The following FAM13A variants were observed in gnomAD, a reference collection of about 807,000 sequenced individuals.
FAM13A encodes protein FAM13A.
In FAM13A, 76 loss-of-function variants were observed where a neutral mutation model predicts 129.6. The ratio of observed to expected loss-of-function variants is 0.59; its 90% CI spans 0.49 to 0.71. The LOEUF is 0.71. FAM13A is among the 30% of genes least tolerant of loss of function. FAM13A has a pLI of 0.00. For missense variants in FAM13A, 1,108 were observed against 1,249.3 expected, an observed-to-expected ratio of 0.89 and a Z score of 1.70; for synonymous variants, 443 against 449.9, an observed-to-expected ratio of 0.98 and a Z score of 0.20.
At chr4:88,903,387 A>G (rs146543097) in intron 6 of FAM13A, among the ~76,000 whole-genome samples, 126 of 152,324 alleles carry the variant, frequency 8.3e-4, no homozygotes, top group Admixed American at 1.4e-3. Context: ...CTGGTATAAA[A>G]ACAACATAGT....
At chr4:88,978,376 A>G (rs1761182971) in intron 4 of FAM13A, among the ~76,000 whole-genome samples, 2 of 152,260 alleles carry the variant, frequency 1.3e-5, no homozygotes, top group Admixed American at 1.3e-4. Flanking sequence ...AACAGAACTT[A>G]ATAAGTACAA....
chr4:89,046,300 T>C (rs1300831262), intron 1 of FAM13A, among the ~76,000 whole-genome samples: 3 of 152,176 alleles, frequency 2.0e-5, no homozygotes, highest in African/African-American at 7.2e-5. Flanking sequence ...GGAACAGTTA[T>C]ACTCAAAAGA....
chr4:89,024,131 T>C (rs1316522423), intron 2 of FAM13A, among the ~76,000 whole-genome samples: 1 of 152,232 alleles, frequency 6.6e-6, no homozygotes, highest in Non-Finnish European at 1.5e-5. Flanking sequence ...AATATTTCTT[T>C]CAAAATAGTA....
intron 4 of FAM13A, among the ~76,000 whole-genome samples, chr4:88,969,351 T>C (rs1759765785): frequency 6.6e-6 from 1 of 152,162 alleles, no homozygotes; most frequent in Non-Finnish European, 1.5e-5. Context: ...ATCTTGATTG[T>C]TTGCCAATAC....
intron 1 of FAM13A, among the ~76,000 whole-genome samples, chr4:89,049,553 AT>A (rs1460753239): frequency 6.6e-6 from 1 of 152,258 alleles, no homozygotes; most frequent in Non-Finnish European, 1.5e-5. Flanking sequence ...GCAACTTTAT[AT>A]CAAAATTCTC....
intron 13 of FAM13A, among the ~76,000 whole-genome samples, chr4:88,761,114 C>T (rs1259943816): frequency 6.6e-6 from 1 of 152,142 alleles, no homozygotes; most frequent in Non-Finnish European, 1.5e-5. Context: ...GCCTGGTGCC[C>T]TGGCTGAGTT....
At chr4:89,047,754 C>T (rs56719325) in intron 1 of FAM13A, among the ~76,000 whole-genome samples, 21,747 of 152,124 alleles carry the variant, frequency 0.14, 1,727 homozygotes, top group Non-Finnish European at 0.18. Flanking sequence ...CCCAGTGGAT[C>T]ATGTATCTAA....
At chr4:88,895,323 G>A (rs1425780480) in intron 6 of FAM13A, among the ~76,000 whole-genome samples, 1 of 152,076 alleles carries the variant, frequency 6.6e-6, no homozygotes, top group Non-Finnish European at 1.5e-5. Flanking sequence ...ATGTATGCAT[G>A]CCCATCAACA....
chr4:88,951,479 T>C (rs1369178517), intron 4 of FAM13A, among the ~76,000 whole-genome samples: 1 of 152,236 alleles, frequency 6.6e-6, no homozygotes, highest in Non-Finnish European at 1.5e-5. Context: ...AAAGAGAATA[T>C]AAGTCTCAGT....
chr4:89,033,954 T>C (rs977361306), intron 1 of FAM13A, among the ~76,000 whole-genome samples: 2 of 152,226 alleles, frequency 1.3e-5, no homozygotes, highest in African/African-American at 4.8e-5. Context: ...GACTTAAGTG[T>C]AAGACTTCAA....
intron 3 of FAM13A, among the ~76,000 whole-genome samples, chr4:88,998,294 G>A (rs1763820468): frequency 6.6e-6 from 1 of 152,112 alleles, no homozygotes. Flanking sequence ...TCCCCATTTG[G>A]AGATGACTAG....
intron 11 of FAM13A, among the ~76,000 whole-genome samples, chr4:88,769,336 A>C (rs1417170728): frequency 6.6e-6 from 1 of 152,202 alleles, no homozygotes; most frequent in Non-Finnish European, 1.5e-5. Flanking sequence ...GCTCCATTAA[A>C]GAATAGAAAC....
At chr4:88,890,597 G>A (rs909533845) in intron 6 of FAM13A, among the ~76,000 whole-genome samples, 10 of 152,076 alleles carry the variant, frequency 6.6e-5, no homozygotes, top group Middle Eastern at 6.8e-3. Flanking sequence ...AGGAAAAGCT[G>A]ACAGAAAAAA....
At chr4:88,927,863 C>T (rs1752452229) in intron 5 of FAM13A, among the ~76,000 whole-genome samples, 1 of 151,794 alleles carries the variant, frequency 6.6e-6, no homozygotes, top group Non-Finnish European at 1.5e-5. Context: ...TTATTTAGTT[C>T]TATTCTGATC....
At chr4:88,847,972 T>C (rs551542840) in intron 7 of FAM13A, among the ~76,000 whole-genome samples, 10 of 151,862 alleles carry the variant, frequency 6.6e-5, no homozygotes, top group Non-Finnish European at 1.3e-4. Flanking sequence ...AAAAATTACA[T>C]AAACCACAAA....
intron 8 of FAM13A, among the ~76,000 whole-genome samples, chr4:88,799,198 A>G (rs1387564875): frequency 1.3e-5 from 2 of 152,346 alleles, no homozygotes; most frequent in East Asian, 3.9e-4. Flanking sequence ...GCCATTCCTC[A>G]GTTATACTGT....
chr4:89,048,308 T>C (rs1375000805), intron 1 of FAM13A, among the ~76,000 whole-genome samples: 3 of 152,188 alleles, frequency 2.0e-5, no homozygotes, highest in Admixed American at 2.0e-4. Flanking sequence ...AAAAATGATA[T>C]GCTAATACAT....
At chr4:88,786,606 T>G (rs1039754731) in intron 10 of FAM13A, among the ~76,000 whole-genome samples, 5 of 152,152 alleles carry the variant, frequency 3.3e-5, no homozygotes, top group African/African-American at 1.2e-4. Context: ...ACCAGCTCCA[T>G]GAAAATTTAT....
chr4:88,943,437 A>AC (rs1208837487), intron 4 of FAM13A, among the ~76,000 whole-genome samples: 1 of 152,244 alleles, frequency 6.6e-6, no homozygotes, highest in East Asian at 1.9e-4. Context: ...TATCAGTCAT[A>AC]ACTTTCTGTT....
Sources: allele counts gnomAD v4.1 joint callset (sites outside exome capture counted in the v4.1 genomes callset), GRCh38; gene constraint gnomAD v4.1.1; transcripts MANE v1.5; gene names NCBI Gene and HGNC (gene_info 2026-07-23, HGNC 2026-07-21).